ADAMTS16: variants seen among roughly 807,000 people sequenced by gnomAD.
ADAMTS16 encodes the protein ADAM metallopeptidase with thrombospondin type 1 motif 16, also known as A disintegrin and metalloproteinase with thrombospondin motifs 16.
A neutral mutation model predicts 145.8 loss-of-function variants in ADAMTS16; 94 were observed. The ratio of observed to expected loss-of-function variants is 0.64; its 90% confidence interval spans 0.55 to 0.77. ADAMTS16 has a LOEUF of 0.77. Ranked by LOEUF, ADAMTS16 falls within the 30% of genes least tolerant of loss-of-function variation. The pLI, the probability that ADAMTS16 is intolerant of heterozygous loss-of-function variation, is 0.00. For synonymous variants in ADAMTS16, 659 were observed against 604.3 expected (o/e 1.09, Z -1.33); for missense variants, 1,585 against 1,591.5 (o/e 1.00, Z 0.07).
At chr5:5,228,413 C>T (rs999449774) in intron 11 of ADAMTS16, among the ~76,000 whole-genome samples, 2 of 152,036 alleles carry the variant, frequency 1.3e-5, no homozygotes, top group African/African-American at 2.4e-5. Flanking sequence ...AAAAGAGATA[C>T]AAATATAAAA....
At chr5:5,248,002 C>G (rs573864919) in intron 17 of ADAMTS16, among the ~76,000 whole-genome samples, 2 of 152,366 alleles carry the variant, frequency 1.3e-5, no homozygotes, top group African/African-American at 4.8e-5. Context: ...CTTCCGAGTT[C>G]AAGGTCCTGT....
rs144995658 is a variant in ADAMTS16, at chr5:5,309,899, C to T, written c.3411+3171C>T. Among the ~76,000 whole-genome samples, 9 of 151,704 alleles carry T rather than the reference C, an allele frequency of 5.9e-5. No homozygotes were observed. The East Asian group carries it at 1.4e-3, about 23-fold the overall frequency. ...GAGAGGCGCTGCCAGAGAAAGCAAA[C>T]GGAATGTGGCCAGACGAGCTCATAA... is the stretch of plus-strand genomic sequence containing the variant. On this transcript the variant is annotated intron_variant, in intron 21 of 22. Coordinates refer to ENST00000274181, the MANE Select transcript of ADAMTS16 (RefSeq NM_139056.4).
chr5:5,144,772 C>A (rs974059757), intron 2 of ADAMTS16, among the ~76,000 whole-genome samples: 1 of 152,220 alleles, frequency 6.6e-6, no homozygotes, highest in Non-Finnish European at 1.5e-5. Context: ...ACCTGTCCCA[C>A]CCTTCTGTCT....
At chr5:5,170,222 C>T (rs1029052161) in intron 3 of ADAMTS16, among the ~76,000 whole-genome samples, 1 of 152,152 alleles carries the variant, frequency 6.6e-6, no homozygotes, top group Non-Finnish European at 1.5e-5. Flanking sequence ...GTTGCCTGTT[C>T]TTCAGGTAAG....
intron 5 of ADAMTS16, 102 bp downstream of exon 5, chr5:5,186,353 C>T (rs901266316): frequency 2.8e-6 from 3 of 1,060,460 alleles, no homozygotes; most frequent in African/African-American, 3.3e-5. Context: ...TTACTTGTTA[C>T]CTGTGGATTG....
At chr5:5,181,820 C>T (rs1220552782) in intron 3 of ADAMTS16, among the ~76,000 whole-genome samples, 1 of 152,148 alleles carries the variant, frequency 6.6e-6, no homozygotes, top group Non-Finnish European at 1.5e-5. Context: ...TCCACGCCAG[C>T]CTTTCTCCAG....
chr5:5,293,912 G>A (rs975749723), intron 18 of ADAMTS16, among the ~76,000 whole-genome samples: 18 of 152,192 alleles, frequency 1.2e-4, no homozygotes, highest in Admixed American at 3.9e-4. Flanking sequence ...CCCTTTCCTG[G>A]GAGCTTTGAA....
Position 5,318,152 on chromosome 5 carries a change from G to A in ADAMTS16, c.3430G>A (p.Gly1144Arg), listed in dbSNP as rs773410713. Reference protein sequence around the residue: ...PWSQCTASCGGGVQTRSVQCL... With the variant: ...PWSQCTASCGRGVQTRSVQCL... ...CTCACAGTGCACGGCCAGCTGTGGGGGAGGCGTTCAGACGAGGTCCGTGCA... is the reference window on the plus strand; with the variant it reads ...CTCACAGTGCACGGCCAGCTGTGGGAGAGGCGTTCAGACGAGGTCCGTGCA... The change falls in exon 22 of 23, where the codon GGA becomes AGA. Residue 1144 changes from glycine (G) to arginine (R), a missense_variant. This residue lies in a region of ADAMTS16 where 834 missense variants were observed against 811.7 expected (regional missense o/e 1.03). Transcript: ENST00000274181. 3.3e-6 allele frequency: 5 copies of A among 1,496,652 alleles called. No homozygotes were observed. Among genetic ancestry groups the A allele is most frequent in the South Asian group, 2.7e-5 (2 of 74,798 alleles). The allele number at this position is 1,496,652 out of a possible 1,614,324, so 92.7% of individuals were successfully genotyped here.
chr5:5,222,814 A>G lies in ADAMTS16; in HGVS notation c.1631A>G (p.His544Arg). 6.2e-7 allele frequency: 1 copy of G among 1,614,138 alleles called. No individual in the cohort carries two copies. Among genetic ancestry groups the G allele is most frequent in the Non-Finnish European group, 8.5e-7 (1 of 1,179,992 alleles). The change falls in exon 11 of 23, where the codon CAT becomes CGT. Residue 544 changes from histidine to arginine, a missense_variant. By Grantham distance (29) the His-to-Arg change is conservative (BLOSUM62 0). Coordinates refer to ENST00000274181, the MANE Select transcript of ADAMTS16 (RefSeq NM_139056.4). ...GACATCTGTAAAGCCCTGTGGTGCCATCGTATTGGAAGGAAATGTGAGACT... is the reference window on the plus strand; with the variant it reads ...GACATCTGTAAAGCCCTGTGGTGCCGTCGTATTGGAAGGAAATGTGAGACT... The part of the protein sequence containing the change: ...KKDICKALWC[H>R]RIGRKCETKF...
intron 10 of ADAMTS16, among the ~76,000 whole-genome samples, chr5:5,218,510 C>T (rs981672447): frequency 5.3e-5 from 8 of 152,202 alleles, no homozygotes; most frequent in African/African-American, 1.7e-4. Context: ...GCATGTGTTA[C>T]GGTGTGCTCC....
Position 5,318,927 on chromosome 5 carries a change from A to G in ADAMTS16, c.3560-96A>G, listed in dbSNP as rs188396609. 2.6e-5 allele frequency: 23 copies of G among 894,418 alleles called. No homozygotes were observed. In the Admixed American group the frequency reaches 2.6e-4, roughly 10 times the overall value. The allele number at this position is 894,418 out of a possible 1,614,324, so 55.4% of individuals were successfully genotyped here. A position where few individuals can be genotyped will look rare whatever the true frequency, so the allele number is the denominator to read the frequency against. ...CTCTCTGCAGCAGCCGCAGAGCGTG[A>G]CAAATTCGCTTTTATTTGCCAGACA... On this transcript the variant is annotated intron_variant, in intron 22 of 22. Transcript: ENST00000274181.
chr5:5,233,610 C>T (rs1163184999), intron 12 of ADAMTS16, among the ~76,000 whole-genome samples: 1 of 152,112 alleles, frequency 6.6e-6, no homozygotes, highest in Non-Finnish European at 1.5e-5. Context: ...TCTGTCCCTG[C>T]GTTAGCTTAT....
intron 2 of ADAMTS16, among the ~76,000 whole-genome samples, chr5:5,145,591 T>C (rs1442201273): frequency 6.6e-6 from 1 of 152,244 alleles, no homozygotes; most frequent in Non-Finnish European, 1.5e-5. Context: ...CCAGTAGTTA[T>C]TTTGCATGAT....
intron 3 of ADAMTS16, among the ~76,000 whole-genome samples, chr5:5,180,673 T>C (rs1339450057): frequency 1.3e-5 from 2 of 152,260 alleles, no homozygotes; most frequent in Admixed American, 6.5e-5. Flanking sequence ...TACTGTATTA[T>C]ATACTTTTAA....
chr5:5,143,943 G>A (rs1358225775), intron 2 of ADAMTS16, among the ~76,000 whole-genome samples: 7 of 151,796 alleles, frequency 4.6e-5, no homozygotes, highest in Non-Finnish European at 1.5e-5. Flanking sequence ...GAACATATGG[G>A]CACAGGGAAA....
In ADAMTS16 at chr5:5,303,375, C is replaced by A; in HGVS notation, c.2897C>A (p.Pro966Gln). 6.2e-7 allele frequency: 1 copy of A among 1,602,610 alleles called. No individual in the cohort carries two copies. Among genetic ancestry groups the A allele is most frequent in the East Asian group, 2.3e-5 (1 of 44,390 alleles). The change falls in exon 19 of 23, where the codon CCG becomes CAG. Residue 966 changes from proline to glutamine, a missense_variant. Coordinates refer to ENST00000274181, the MANE Select transcript of ADAMTS16 (RefSeq NM_139056.4). Reference sequence around the variant, plus strand: ...GTGCACTATGACTCGGAGCCAGTCCCGGCCAGCCTGTGCCCTCAGCCTGCT... The same window carrying A: ...GTGCACTATGACTCGGAGCCAGTCCAGGCCAGCCTGTGCCCTCAGCCTGCT... The part of the protein sequence containing the change: ...RRVHYDSEPV[P>Q]ASLCPQPAPS...
chr5:5,158,169 A>G (rs1734648586), intron 3 of ADAMTS16, among the ~76,000 whole-genome samples: 1 of 152,142 alleles, frequency 6.6e-6, no homozygotes. Context: ...ACTTATCTCA[A>G]TTAAATTCTT....
intron 18 of ADAMTS16, among the ~76,000 whole-genome samples, chr5:5,290,028 A>T (rs996827703): frequency 3.3e-5 from 5 of 152,246 alleles, no homozygotes; most frequent in Admixed American, 6.5e-5. Flanking sequence ...TCATCTCATT[A>T]TTAGCATGCA....
rs536555865 is a variant in ADAMTS16, at chr5:5,231,009, G to T, written c.1702-1359G>T. Among the ~76,000 whole-genome samples, 6 of 152,246 alleles carry T rather than the reference G, an allele frequency of 3.9e-5. No homozygotes were observed. In the South Asian group the frequency reaches 6.2e-4, roughly 16 times the overall value. On this transcript the variant is annotated intron_variant, in intron 11 of 22. Transcript: ENST00000274181. ...CTATGACCAGATGGTTTTTAAAAAG[G>T]GGGGAAAAGAAAACGACAACAACTA...
Sources: allele counts gnomAD v4.1 joint callset (sites outside exome capture counted in the v4.1 genomes callset), GRCh38; gene constraint gnomAD v4.1.1; regional missense constraint gnomAD v4.1.1; transcripts MANE v1.5; gene names NCBI Gene and HGNC (gene_info 2026-07-23, HGNC 2026-07-21).